MAN1A1: variants seen among roughly 807,000 people sequenced by gnomAD.
MAN1A1 encodes mannosidase alpha class 1A member 1, also known as mannosyl-oligosaccharide 1,2-alpha-mannosidase IA.
A neutral mutation model predicts 70.8 loss-of-function variants in MAN1A1; 29 were observed. The ratio of observed to expected loss-of-function variants is 0.41; its 90% confidence interval spans 0.31 to 0.56. The LOEUF (loss-of-function observed/expected upper bound fraction) is 0.56, where lower values mean the gene tolerates loss of function less well. Among genes scored for constraint, MAN1A1 ranks in the 20% least tolerant of loss-of-function variants. MAN1A1 has a pLI of 0.29. For synonymous variants in MAN1A1, 349 were observed against 330.1 expected (o/e 1.06, Z -0.62); for missense variants, 747 against 841.3 (o/e 0.89, Z 1.39).
At chr6:119,293,984 T>A (rs3823000) in intron 4 of MAN1A1, among the ~76,000 whole-genome samples, 57,407 of 151,910 alleles carry the variant, frequency 0.38, 11,340 homozygotes, top group Non-Finnish European at 0.41. Flanking sequence ...AACGCACTCA[T>A]CAGACACTCA....
At chr6:119,232,679 ATGTGTGTG>A (rs78960133) in intron 6 of MAN1A1, among the ~76,000 whole-genome samples, 15,249 of 143,334 alleles carry the variant, frequency 0.11, 962 homozygotes, top group Non-Finnish European at 0.14. Flanking sequence ...ACACATATAT[ATGTGTGTG>A]TGTGTGTGTG....
intron 5 of MAN1A1, among the ~76,000 whole-genome samples, chr6:119,255,470 T>C (rs1051785061): frequency 1.3e-5 from 2 of 152,154 alleles, no homozygotes; most frequent in African/African-American, 4.8e-5. Flanking sequence ...CCAAAATCAA[T>C]CACTAAACCA....
At chr6:119,218,877 T>G (rs1774279393) in intron 6 of MAN1A1, among the ~76,000 whole-genome samples, 1 of 152,072 alleles carries the variant, frequency 6.6e-6, no homozygotes, top group South Asian at 2.1e-4. Context: ...TTATCTGTTT[T>G]TTTTTTAATT....
At chr6:119,287,086 A>G (rs1180965641) in intron 5 of MAN1A1, among the ~76,000 whole-genome samples, 1 of 152,058 alleles carries the variant, frequency 6.6e-6, no homozygotes, top group Non-Finnish European at 1.5e-5. Flanking sequence ...AAGATCCCCA[A>G]AGAGGCTGCA....
In MAN1A1 at chr6:119,348,706, GT is replaced by G; in HGVS notation, c.359del (p.Asn120ThrfsTer83). The G allele has an allele frequency of 1.2e-6, 2 of 1,606,472 alleles. No individual in the cohort carries two copies. Among genetic ancestry groups the G allele is most frequent in the South Asian group, 1.1e-5 (1 of 90,018 alleles). On this transcript the variant is annotated frameshift_variant, in exon 2 of 13. Transcript: ENST00000368468. LOFTEE classifies it high-confidence loss of function. ...PGDPEAALEDNLARIRENHER... is the reference protein window; with the variant it reads ...PGDPEAALEDXLARIRENHER... ...CGTGGTTTTCGCGGATCCTGGCCAA[GT>G]TGTCCTCCAGGGCGGCCTCCGGGTC...
intron 6 of MAN1A1, among the ~76,000 whole-genome samples, chr6:119,206,724 G>A (rs942455426): frequency 6.6e-6 from 1 of 152,188 alleles, no homozygotes; most frequent in Non-Finnish European, 1.5e-5. Context: ...AAATGCACAT[G>A]GTAATTGGTC....
At chr6:119,222,236 G>A (rs191411784) in intron 6 of MAN1A1, among the ~76,000 whole-genome samples, 68 of 151,298 alleles carry the variant, frequency 4.5e-4, no homozygotes, top group African/African-American at 1.6e-3. Context: ...AACGTATTAC[G>A]GATAATACTT....
intron 2 of MAN1A1, among the ~76,000 whole-genome samples, chr6:119,336,599 T>G (rs975394435): frequency 1.3e-5 from 2 of 152,196 alleles, no homozygotes; most frequent in African/African-American, 4.8e-5. Flanking sequence ...ACACAGCACT[T>G]TTCAGGAGAA....
chr6:119,212,087 G>A (rs902315721), intron 6 of MAN1A1, among the ~76,000 whole-genome samples: 1 of 151,206 alleles, frequency 6.6e-6, no homozygotes, highest in Admixed American at 6.6e-5. Flanking sequence ...TGATCTGCTC[G>A]CCTCAGCCTC....
chr6:119,276,964 T>A (rs1441503213), intron 5 of MAN1A1, among the ~76,000 whole-genome samples: 2 of 152,220 alleles, frequency 1.3e-5, no homozygotes, highest in African/African-American at 4.8e-5. Flanking sequence ...AAAAAATTCT[T>A]CTGTTCTATG....
At chr6:119,350,586 A>G, upstream of MAN1A1, 1 of 982,146 alleles carries the variant, frequency 1.0e-6, no homozygotes, top group Non-Finnish European at 1.2e-6. Flanking sequence ...GGTAGCTTCA[A>G]GCAATAAGTC....
intron 5 of MAN1A1, among the ~76,000 whole-genome samples, chr6:119,271,043 A>G (rs1311367390): frequency 6.6e-6 from 1 of 152,194 alleles, no homozygotes; most frequent in Non-Finnish European, 1.5e-5. Flanking sequence ...AAAGATGCCC[A>G]ACTTTTCTAC....
chr6:119,261,239 A>C (rs1775605940), intron 5 of MAN1A1, among the ~76,000 whole-genome samples: 1 of 152,092 alleles, frequency 6.6e-6, no homozygotes, highest in African/African-American at 2.4e-5. Flanking sequence ...TCCACCTCCT[A>C]AAGTGCTGGG....
Position 119,335,647 on chromosome 6 carries a change from C to T in MAN1A1, c.603+12816G>A, listed in dbSNP as rs112597160. Among the ~76,000 whole-genome samples the T allele has an allele frequency of 6.3e-3, 963 of 152,276 alleles. 6 individuals carry two copies. The highest frequency in any genetic ancestry group is 0.022 in the African/African-American group (912 of 41,534). On this transcript the variant is annotated intron_variant, in intron 2 of 12. Transcript: ENST00000368468. ...GGCCAAAGATAGAAATAATCAATAA[C>T]ATGGGAATTTGGAGAAGGGAGAAAT...
intron 4 of MAN1A1, among the ~76,000 whole-genome samples, chr6:119,297,460 C>A (rs1772246198): frequency 1.3e-5 from 2 of 152,232 alleles, no homozygotes; most frequent in African/African-American, 4.8e-5. Flanking sequence ...TCAGAGGACT[C>A]AAATTCTCTG....
chr6:119,179,721 C>A lies in MAN1A1; in HGVS notation c.*98G>T. ...ACAATTTAAGAACTTAATCACAGACCTACTAATCAAAGTTCATCATGTGCC... is the reference window on the plus strand; with the variant it reads ...ACAATTTAAGAACTTAATCACAGACATACTAATCAAAGTTCATCATGTGCC... On this transcript the variant is annotated 3_prime_UTR_variant, in exon 13 of 13. Coordinates refer to ENST00000368468, the MANE Select transcript of MAN1A1 (RefSeq NM_005907.4). 1.8e-6 allele frequency: 2 copies of A among 1,123,708 alleles called. No homozygotes were observed. Among genetic ancestry groups the A allele is most frequent in the Non-Finnish European group, 2.6e-6 (2 of 776,106 alleles). 69.6% of individuals were successfully genotyped at this position (1,123,708 alleles called of 1,614,324 possible).
rs180687084 is a variant in MAN1A1 at position 119,214,564 on chromosome 6, A to G, written c.993-9682T>C. Among the ~76,000 whole-genome samples the G allele has an allele frequency of 1.6e-3, 237 of 151,990 alleles. 1 individual carries two copies. The highest frequency in any genetic ancestry group is 5.6e-3 in the African/African-American group (231 of 41,486). ...AGACAGGGTCTCACTCTGTCACCCA[A>G]GTTGGAGTGCAGTGGCATGATCTCA... On this transcript the variant is annotated intron_variant, in intron 6 of 12. Coordinates refer to ENST00000368468, the MANE Select transcript of MAN1A1 (RefSeq NM_005907.4).
chr6:119,185,975 A>G (rs111229345), intron 11 of MAN1A1, among the ~76,000 whole-genome samples: 3,129 of 152,126 alleles, frequency 0.021, 108 homozygotes, highest in African/African-American at 0.072. Flanking sequence ...CACAGCTGGA[A>G]ACCAGGTCAG....
At chr6:119,307,067 G>C (rs1772553651) in intron 2 of MAN1A1, 75 bp from the exon 3 acceptor site, 2 of 947,884 alleles carry the variant, frequency 2.1e-6, no homozygotes, top group Admixed American at 1.9e-5. Context: ...ATATATTGAA[G>C]AGCAAAGGCT....
Sources: allele counts gnomAD v4.1 joint callset (sites outside exome capture counted in the v4.1 genomes callset), GRCh38; gene constraint gnomAD v4.1.1; transcripts MANE v1.5; gene names NCBI Gene and HGNC (gene_info 2026-07-23, HGNC 2026-07-21).